The following PRKACB variants were observed in gnomAD, a reference collection of about 807,000 sequenced individuals.
The protein encoded by PRKACB is protein kinase cAMP-activated catalytic subunit beta.
In PRKACB, 16 loss-of-function variants were observed where a neutral mutation model predicts 51.4. That is an observed-to-expected ratio of 0.31 (90% CI 0.21 to 0.47). The LOEUF (loss-of-function observed/expected upper bound fraction) is 0.47, where lower values mean the gene tolerates loss of function less well. PRKACB is among the 20% of genes least tolerant of loss of function. The pLI is 1.00. For synonymous variants in PRKACB, 147 were observed against 154.4 expected (o/e 0.95, Z 0.35); for missense variants, 309 against 464.5 (o/e 0.67, Z 3.08).
At chr1:84,085,822 A>G in intron 1 of PRKACB, 1 of 431,974 alleles carries the variant, frequency 2.3e-6, no homozygotes. Flanking sequence ...GCCACCTCTC[A>G]CTTCTGGAGC....
At chr1:84,134,809 T>C (rs146094953) in intron 1 of PRKACB, among the ~76,000 whole-genome samples, 43 of 152,252 alleles carry the variant, frequency 2.8e-4, no homozygotes, top group African/African-American at 9.9e-4. Flanking sequence ...AAACGAAACT[T>C]AGTTTAGAAA....
At chr1:84,147,106 A>C (rs1194503008) in intron 1 of PRKACB, among the ~76,000 whole-genome samples, 1 of 152,086 alleles carries the variant, frequency 6.6e-6, no homozygotes, top group Non-Finnish European at 1.5e-5. Flanking sequence ...GACTTAATGA[A>C]GGTCTAACTA....
chr1:84,189,160 A>G (rs1666033230), intron 5 of PRKACB, among the ~76,000 whole-genome samples: 1 of 151,920 alleles, frequency 6.6e-6, no homozygotes, highest in African/African-American at 2.4e-5. Flanking sequence ...TAAAAAAATT[A>G]CCAATCATCT....
At chr1:84,087,115 A>G (rs1260634308) in intron 1 of PRKACB, among the ~76,000 whole-genome samples, 2 of 152,274 alleles carry the variant, frequency 1.3e-5, no homozygotes, top group African/African-American at 2.4e-5. Flanking sequence ...TGAAACCATT[A>G]ATGTGCTATG....
chr1:84,174,823 A>G (rs988816346), intron 1 of PRKACB, among the ~76,000 whole-genome samples: 6 of 151,858 alleles, frequency 4.0e-5, no homozygotes, highest in African/African-American at 1.4e-4. Context: ...TAAGAAGGTT[A>G]TTGATTTTGG....
intron 6 of PRKACB, among the ~76,000 whole-genome samples, chr1:84,197,371 G>A (rs958284771): frequency 6.6e-6 from 1 of 152,104 alleles, no homozygotes; most frequent in Non-Finnish European, 1.5e-5. Flanking sequence ...AATGGCAGAG[G>A]ACACATTGGG....
intron 5 of PRKACB, among the ~76,000 whole-genome samples, chr1:84,193,928 T>C (rs1667494571): frequency 6.6e-6 from 1 of 152,156 alleles, no homozygotes; most frequent in African/African-American, 2.4e-5. Context: ...ACTCAGAATA[T>C]CACAAGATGA....
At position 84,144,409 on chromosome 1, in the gene PRKACB, T is replaced by C; in HGVS notation, c.48T>C (p.Thr16=). Residue 16 remains threonine, a synonymous_variant, in exon 1 of 10, where the codon ACT becomes ACC. Transcript: ENST00000370685. ...CTTGTAACCAGTATACAGGTACAACTACAGCTCTTCAGAAATTGGAAGGTT... is the reference window on the plus strand; with the variant it reads ...CTTGTAACCAGTATACAGGTACAACCACAGCTCTTCAGAAATTGGAAGGTT... ...EPPCNQYTGT[T]TALQKLEGFA... is the part of the protein sequence containing the mutation. 1 of 1,613,570 alleles carries C rather than the reference T, an allele frequency of 6.2e-7. No homozygotes were observed. The highest frequency in any genetic ancestry group is 1.3e-5 in the African/African-American group (1 of 75,012).
intron 1 of PRKACB, among the ~76,000 whole-genome samples, chr1:84,094,672 C>CT (rs1410548362): frequency 6.6e-6 from 1 of 151,870 alleles, no homozygotes; most frequent in African/African-American, 2.4e-5. Context: ...TTTGAAGAGA[C>CT]TGTCTATTCT....
intron 5 of PRKACB, among the ~76,000 whole-genome samples, chr1:84,195,440 A>G (rs1336497345): frequency 1.3e-5 from 2 of 152,332 alleles, no homozygotes; most frequent in Non-Finnish European, 2.9e-5. Flanking sequence ...AATCCTATTC[A>G]TAGTTAAGGT....
At chr1:84,233,609 G>A (rs1220240581) in intron 9 of PRKACB, among the ~76,000 whole-genome samples, 487 of 101,056 alleles carry the variant, frequency 4.8e-3, no homozygotes, top group African/African-American at 0.017. Context: ...GGCTTTGCTC[G>A]TTTCTTTTTA....
At chr1:84,175,820 C>T in intron 1 of PRKACB, 1 of 1,553,612 alleles carries the variant, frequency 6.4e-7, no homozygotes, top group East Asian at 2.3e-5. Context: ...ATGCTCATTT[C>T]CTTTAGAATG....
chr1:84,173,481 A>AT (rs1488109095), intron 1 of PRKACB: 1 of 804,694 alleles, frequency 1.2e-6, no homozygotes, highest in Non-Finnish European at 2.0e-6. Flanking sequence ...TACTGAAAAT[A>AT]TTTTTAGTGT....
intron 1 of PRKACB, among the ~76,000 whole-genome samples, chr1:84,114,581 GCTTA>G (rs993174439): frequency 6.6e-6 from 1 of 151,920 alleles, no homozygotes; most frequent in Non-Finnish European, 1.5e-5. Flanking sequence ...ATATACTTTT[GCTTA>G]CTTACCCTAT....
intron 1 of PRKACB, among the ~76,000 whole-genome samples, chr1:84,105,752 C>T (rs1173685185): frequency 1.3e-5 from 2 of 151,584 alleles, no homozygotes; most frequent in East Asian, 3.9e-4. Flanking sequence ...AATTTTTGTT[C>T]TTTTTAGGAG....
At chr1:84,235,067 C>T in intron 9 of PRKACB, 113 bp from the exon 10 acceptor site, 1 of 1,123,164 alleles carries the variant, frequency 8.9e-7, no homozygotes, top group South Asian at 1.6e-5. Flanking sequence ...AACCTAATGG[C>T]ATCTAAGGAT....
intron 9 of PRKACB, among the ~76,000 whole-genome samples, chr1:84,231,818 T>C (rs549450979): frequency 1.4e-3 from 218 of 152,276 alleles, no homozygotes; most frequent in Non-Finnish European, 2.3e-3. Flanking sequence ...CTCTTTTTTC[T>C]TTATTAGTCT....
At chr1:84,171,842 AT>A (rs1372551982) in intron 1 of PRKACB, among the ~76,000 whole-genome samples, 2 of 151,666 alleles carry the variant, frequency 1.3e-5, no homozygotes, top group Non-Finnish European at 3.0e-5. Flanking sequence ...TATTAAAAAA[AT>A]CAATATATAA....
At chr1:84,161,412 T>C (rs138632930) in intron 1 of PRKACB, among the ~76,000 whole-genome samples, 37 of 151,900 alleles carry the variant, frequency 2.4e-4, no homozygotes, top group African/African-American at 8.4e-4. Flanking sequence ...TTTTATCCAA[T>C]CTGATAATTT....
Sources: gnomAD v4.1 joint callset for allele counts (sites outside exome capture counted in the v4.1 genomes callset) on GRCh38, gnomAD v4.1.1 for gene constraint, MANE v1.5 for transcripts, NCBI Gene and HGNC (gene_info 2026-07-23, HGNC 2026-07-21) for gene names.